BCL9: variants seen among roughly 807,000 people sequenced by gnomAD.
The protein encoded by BCL9 is BCL9 transcription coactivator.
In BCL9, 25 loss-of-function variants were observed where a neutral mutation model predicts 88.5. The ratio of observed to expected loss-of-function variants is 0.28; its 90% CI spans 0.21 to 0.39. The LOEUF (loss-of-function observed/expected upper bound fraction) is 0.39, where lower values mean the gene tolerates loss of function less well. Ranked by LOEUF, BCL9 falls within the 10% of genes least tolerant of loss-of-function variation. The pLI is 1.00. For missense variants in BCL9, 1,817 were observed against 1,877.8 expected, an observed-to-expected ratio of 0.97 and a Z score of 0.60; for synonymous variants, 711 against 673.3, an observed-to-expected ratio of 1.06 and a Z score of -0.87.
chr1:147,586,881 TG>T (rs1656627991), intron 1 of BCL9, among the ~76,000 whole-genome samples: 1 of 152,144 alleles, frequency 6.6e-6, no homozygotes, highest in South Asian at 2.1e-4. Context: ...AAATTTAAGA[TG>T]CTCTGTTTTA....
chr1:147,562,857 C>T (rs1364684929), intron 1 of BCL9, among the ~76,000 whole-genome samples: 1 of 152,200 alleles, frequency 6.6e-6, no homozygotes, highest in African/African-American at 2.4e-5. Flanking sequence ...ATGGCTTTCA[C>T]TGCATTTAGA....
Position 147,613,000 on chromosome 1 carries a change from C to A in BCL9, c.171C>A (p.Ser57Arg), listed in dbSNP as rs1553202889. 6.2e-7 allele frequency: 1 copy of A among 1,604,064 alleles called. No homozygotes were observed. The highest frequency in any genetic ancestry group is 8.5e-7 in the Non-Finnish European group (1 of 1,175,368). The change falls in exon 5 of 10, where the codon AGC becomes AGA. Residue 57 changes from serine to arginine, a missense_variant. Ser to Arg is a moderately radical substitution (Grantham distance 110). Transcript: ENST00000234739. ...AGGGTAAACAGGGGGGCTCAGCCAG[C>A]CAATCCCAGCCATCCCCCTGTGACT... ...SNQGKQGGSA[S>R]QSQPSPCDSK...
At position 147,620,143 on chromosome 1, in the gene BCL9, C is replaced by T. The variant is rs1553204905; in HGVS notation, c.1988C>T (p.Pro663Leu). The change falls in exon 8 of 10, where the codon CCA becomes CTA. Residue 663 changes from proline (P) to leucine (L), a missense_variant. Physicochemically the swap from Pro to Leu is moderately conservative, Grantham distance 98. Coordinates refer to ENST00000234739, the MANE Select transcript of BCL9 (RefSeq NM_004326.4). ...RPSMEMNRMI[P>L]GSQRHMEPGN... ...AGCATGGAGATGAACAGGATGATTC[C>T]AGGCTCCCAGCGCCACATGGAGCCT... 6.2e-7 allele frequency: 1 copy of T among 1,614,154 alleles called. No homozygotes were observed.
chr1:147,559,573 C>T (rs1299438694), intron 1 of BCL9, among the ~76,000 whole-genome samples: 1 of 152,178 alleles, frequency 6.6e-6, no homozygotes, highest in Non-Finnish European at 1.5e-5. Context: ...ACTTTCATGT[C>T]CCTTCTACTC....
intron 1 of BCL9, among the ~76,000 whole-genome samples, chr1:147,562,142 A>G (rs1553196183): frequency 6.6e-6 from 1 of 152,122 alleles, no homozygotes; most frequent in African/African-American, 2.4e-5. Context: ...CAGCCTGACC[A>G]ACATGGAGAA....
chr1:147,623,585 T>C (rs186031528), intron 9 of BCL9, among the ~76,000 whole-genome samples: 151 of 152,292 alleles, frequency 9.9e-4, no homozygotes, highest in African/African-American at 3.1e-3. Flanking sequence ...TTTATAACTT[T>C]TCACACATGA....
At chr1:147,596,408 T>TTA (rs1351409113) in intron 1 of BCL9, among the ~76,000 whole-genome samples, 1 of 898 alleles carries the variant, frequency 1.1e-3, no homozygotes, top group Non-Finnish European at 5.0e-3. Flanking sequence ...CTTTCTTTTT[T>TTA]TTCTTTTCTT....
rs782016801 is a variant in BCL9, at chr1:147,611,811, T to G, written c.-26T>G. 3 of 1,613,154 alleles carry G rather than the reference T, an allele frequency of 1.9e-6. No individual in the cohort carries two copies. The highest frequency in any genetic ancestry group is 2.5e-6 in the Non-Finnish European group (3 of 1,179,086). On this transcript the variant is annotated 5_prime_UTR_variant, in exon 4 of 10. Coordinates refer to ENST00000234739, the MANE Select transcript of BCL9 (RefSeq NM_004326.4). ...GAACTCGGTGAGCCTGTCCCGTTTG[T>G]GACTGCAAGCTCAGGATTTCAATCA... is the stretch of plus-strand genomic sequence containing the variant.
At chr1:147,589,399 C>T (rs116009059) in intron 1 of BCL9, among the ~76,000 whole-genome samples, 2,161 of 152,250 alleles carry the variant, frequency 0.014, 29 homozygotes, top group Non-Finnish European at 0.021. Flanking sequence ...CTATTGATTT[C>T]TTGTAAATTG....
chr1:147,576,649 G>A (rs1407289634), intron 1 of BCL9, among the ~76,000 whole-genome samples: 1 of 152,040 alleles, frequency 6.6e-6, no homozygotes, highest in African/African-American at 2.4e-5. Context: ...ATCTTCCTGA[G>A]TTTTCTGTTC....
chr1:147,595,748 T>C (rs146747781), intron 1 of BCL9, among the ~76,000 whole-genome samples: 1 of 152,128 alleles, frequency 6.6e-6, no homozygotes, highest in African/African-American at 2.4e-5. Flanking sequence ...GAAAGTGGGA[T>C]TCTAAGAATG....
intron 1 of BCL9, among the ~76,000 whole-genome samples, chr1:147,563,603 G>A (rs1477713276): frequency 1.3e-5 from 2 of 152,310 alleles, no homozygotes; most frequent in East Asian, 1.9e-4. Flanking sequence ...CATAGTCACC[G>A]ATCCTATCAA....
chr1:147,579,694 G>A (rs903846903), intron 1 of BCL9, among the ~76,000 whole-genome samples: 5 of 152,180 alleles, frequency 3.3e-5, no homozygotes, highest in African/African-American at 7.2e-5. Context: ...TTCCTTGCAC[G>A]TAATGAGAGC....
At chr1:147,547,172 T>C (rs587724496) in intron 1 of BCL9, among the ~76,000 whole-genome samples, 6 of 152,244 alleles carry the variant, frequency 3.9e-5, no homozygotes, top group African/African-American at 1.4e-4. Context: ...CTTGCTGATA[T>C]GTTACGTATG....
intron 9 of BCL9, among the ~76,000 whole-genome samples, 196 bp downstream of exon 9, chr1:147,622,727 T>C (rs1658708663): frequency 6.6e-6 from 1 of 152,182 alleles, no homozygotes; most frequent in African/African-American, 2.4e-5. Context: ...TGATTCCTTA[T>C]TTGTTTGTAA....
At chr1:147,587,026 C>CTCTT (rs1203427996) in intron 1 of BCL9, among the ~76,000 whole-genome samples, 16 of 146,764 alleles carry the variant, frequency 1.1e-4, no homozygotes, top group African/African-American at 3.8e-4. Context: ...CTCTCTCTTT[C>CTCTT]TCTCTCTCTC....
intron 1 of BCL9, among the ~76,000 whole-genome samples, chr1:147,568,066 A>G (rs955277368): frequency 8.5e-5 from 13 of 152,220 alleles, no homozygotes; most frequent in African/African-American, 3.1e-4. Context: ...AAGCCCTTGC[A>G]TATCAAGCTT....
At chr1:147,552,361 A>G (rs2101475780) in intron 1 of BCL9, among the ~76,000 whole-genome samples, 1 of 152,298 alleles carries the variant, frequency 6.6e-6, no homozygotes, top group African/African-American at 2.4e-5. Context: ...TAATCTTAGC[A>G]CTTTGGGAGG....
intron 4 of BCL9, among the ~76,000 whole-genome samples, chr1:147,612,558 T>C (rs1231989261): frequency 6.6e-6 from 1 of 152,228 alleles, no homozygotes; most frequent in Non-Finnish European, 1.5e-5. Context: ...GTTTGTTTAC[T>C]CTGAGCTAGT....
Sources: allele counts gnomAD v4.1 joint callset (sites outside exome capture counted in the v4.1 genomes callset), GRCh38; gene constraint gnomAD v4.1.1; transcripts MANE v1.5; gene names NCBI Gene and HGNC (gene_info 2026-07-23, HGNC 2026-07-21).